The following NR4A3 variants were observed in gnomAD, a reference collection of about 807,000 sequenced individuals.
NR4A3 encodes chondrosarcoma, extraskeletal myxoid, fused to EWS.
A neutral mutation model predicts 55.6 loss-of-function variants in NR4A3; 13 were observed. The ratio of observed to expected loss-of-function variants is 0.23; its 90% CI spans 0.15 to 0.37. The LOEUF is 0.37. Ranked by LOEUF, NR4A3 falls within the 10% of genes least tolerant of loss-of-function variation. The pLI is 1.00. For missense variants in NR4A3, 646 were observed against 822.8 expected (o/e 0.79, Z 2.63); for synonymous variants, 342 against 357.9 (o/e 0.96, Z 0.50).
chr9:99,832,593 A>C, intron 3 of NR4A3, 96 bp from the exon 4 acceptor site: 1 of 1,053,324 alleles, frequency 9.5e-7, no homozygotes, highest in Non-Finnish European at 1.3e-6. Flanking sequence ...TACGAATTGC[A>C]CTGTCGCTTT....
At chr9:99,827,246 T>C (rs1368394119) in intron 2 of NR4A3, among the ~76,000 whole-genome samples, 1 of 149,462 alleles carries the variant, frequency 6.7e-6, no homozygotes, top group Non-Finnish European at 1.5e-5. Context: ...TAGTTAGAAT[T>C]GGGATATATA....
At chr9:99,857,552 C>T (rs1209370994) in intron 7 of NR4A3, among the ~76,000 whole-genome samples, 1 of 151,968 alleles carries the variant, frequency 6.6e-6, no homozygotes, top group Non-Finnish European at 1.5e-5. Flanking sequence ...TTTGGGAGGC[C>T]AAGGCAGGCG....
intron 3 of NR4A3, among the ~76,000 whole-genome samples, chr9:99,831,007 T>G (rs1405602577): frequency 6.6e-6 from 1 of 152,170 alleles, no homozygotes; most frequent in African/African-American, 2.4e-5. Context: ...CACAGAACTG[T>G]TAATTAAGGG....
chr9:99,852,091 C>G (rs150446708), intron 7 of NR4A3, among the ~76,000 whole-genome samples: 15 of 152,248 alleles, frequency 9.9e-5, no homozygotes, highest in African/African-American at 3.6e-4. Flanking sequence ...AGAGTAAGTC[C>G]AGATTACTGC....
chr9:99,849,369 T>A (rs1471655895), intron 7 of NR4A3, among the ~76,000 whole-genome samples: 2 of 151,958 alleles, frequency 1.3e-5, no homozygotes, highest in Non-Finnish European at 1.5e-5. Context: ...TTTTTTTTTT[T>A]AATGGGGCTG....
chr9:99,845,093 G>T (rs969914757), intron 6 of NR4A3, among the ~76,000 whole-genome samples: 6 of 152,174 alleles, frequency 3.9e-5, no homozygotes, highest in Non-Finnish European at 1.5e-5. Context: ...TTGCCTGACG[G>T]GAAGTTCAAT....
intron 5 of NR4A3, among the ~76,000 whole-genome samples, chr9:99,842,469 G>A (rs537183110): frequency 2.0e-5 from 3 of 152,144 alleles, no homozygotes; most frequent in Non-Finnish European, 2.9e-5. Context: ...GGTGGCTCAC[G>A]CCTGTAATCC....
At chr9:99,863,019 A>T (rs1392205168) in intron 7 of NR4A3, among the ~76,000 whole-genome samples, 4 of 152,186 alleles carry the variant, frequency 2.6e-5, no homozygotes, top group African/African-American at 9.7e-5. Context: ...AATTCTTCTC[A>T]GTGCTGGTTA....
chr9:99,828,930 G>T lies in NR4A3; in HGVS notation c.888G>T (p.Gly296=). 6.9e-7 allele frequency: 1 copy of T among 1,450,580 alleles called. No individual in the cohort carries two copies. Among genetic ancestry groups the T allele is most frequent in the Non-Finnish European group, 9.1e-7 (1 of 1,101,916 alleles). 89.9% of individuals were successfully genotyped at this position (1,450,580 alleles called of 1,614,324 possible). A position where few individuals can be genotyped will look rare whatever the true frequency, so the allele number is the denominator to read the frequency against. The change falls in exon 3 of 8, where the codon GGG becomes GGT. Residue 296 remains glycine (G), a synonymous_variant. Coordinates refer to ENST00000395097, the MANE Select transcript of NR4A3 (RefSeq NM_006981.4). This position sits in a 1 kb window ranked among gnomAD's most constrained non-coding sequence, Gnocchi z 7.7. ...GCGAGGGCACGTGTGCCGTGTGCGG[G>T]GACAACGCCGCCTGCCAGCACTACG... is the stretch of plus-strand genomic sequence containing the variant. ...SSGEGTCAVC[G]DNAACQHYGV...
intron 2 of NR4A3, chr9:99,826,671 C>T: frequency 2.0e-6 from 2 of 995,182 alleles, no homozygotes. Context: ...ATTTTTAAGG[C>T]CCTGCTTGTT....
Position 99,833,434 on chromosome 9 carries a change from A to G in NR4A3, c.1234A>G (p.Arg412Gly), listed in dbSNP as rs756743488. ...CCGAGCTTTAACAGACTCAACACCC[A>G]GAGATCTTGATTATTCCAGAGTAAG... ...LVRALTDSTP[R>G]DLDYSRYCPT... Residue 412 changes from arginine (R) to glycine (G), a missense_variant, in exon 5 of 8, where the codon AGA becomes GGA. This residue lies in a region of NR4A3 where 163 missense variants were observed against 233.0 expected (regional missense o/e 0.70). Coordinates refer to ENST00000395097, the MANE Select transcript of NR4A3 (RefSeq NM_006981.4). The G allele has an allele frequency of 1.9e-6, 3 of 1,613,936 alleles. No homozygotes were observed. The highest frequency in any genetic ancestry group is 2.5e-6 in the Non-Finnish European group (3 of 1,179,926).
At chr9:99,836,159 G>A (rs982299085) in intron 5 of NR4A3, among the ~76,000 whole-genome samples, 1 of 152,172 alleles carries the variant, frequency 6.6e-6, no homozygotes, top group Non-Finnish European at 1.5e-5. Flanking sequence ...GGGAGGGATC[G>A]CTAATATGAT....
intron 1 of NR4A3, among the ~76,000 whole-genome samples, chr9:99,824,824 G>A (rs1827262414): frequency 6.6e-6 from 1 of 152,226 alleles, no homozygotes; most frequent in Admixed American, 6.5e-5. Context: ...CTGAGGCTGT[G>A]GGCTGAGACG....
intron 6 of NR4A3, among the ~76,000 whole-genome samples, chr9:99,845,885 G>C (rs1376489789): frequency 6.6e-6 from 1 of 152,228 alleles, no homozygotes; most frequent in Non-Finnish European, 1.5e-5. Context: ...GTTACAACTA[G>C]AGTGCCAGTA....
In NR4A3 at chr9:99,865,485, C is replaced by T. The variant is rs1383363236; in HGVS notation, c.*1618C>T. The T allele has an allele frequency of 5.5e-6, 1 of 183,216 alleles. No homozygotes were observed. Among genetic ancestry groups the T allele is most frequent in the South Asian group, 2.0e-4 (1 of 5,086 alleles). 11.3% of individuals were successfully genotyped at this position (183,216 alleles called of 1,614,324 possible). On this transcript the variant is annotated 3_prime_UTR_variant, in exon 8 of 8. Coordinates refer to ENST00000395097, the MANE Select transcript of NR4A3 (RefSeq NM_006981.4). The surrounding 1 kb of genome is among the most constrained non-coding windows in gnomAD (Gnocchi z 4.3). ...AATTTTGCTTATGTTTTGCTAAATT[C>T]GAATAATGTTTGAAGATTTTTAGGT...
chr9:99,850,747 T>C (rs1490923254), intron 7 of NR4A3, among the ~76,000 whole-genome samples: 1 of 152,208 alleles, frequency 6.6e-6, no homozygotes, highest in East Asian at 1.9e-4. Flanking sequence ...TAACAATGTC[T>C]ATGTCATAGG....
intron 3 of NR4A3, among the ~76,000 whole-genome samples, chr9:99,830,193 C>T (rs757510284): frequency 3.3e-5 from 5 of 152,074 alleles, no homozygotes; most frequent in Non-Finnish European, 7.4e-5. Context: ...ATTTGGGAGG[C>T]CAATAGGATA....
intron 2 of NR4A3, among the ~76,000 whole-genome samples, chr9:99,827,500 C>A (rs1475694824): frequency 6.6e-6 from 1 of 152,156 alleles, no homozygotes; most frequent in Admixed American, 6.5e-5. Flanking sequence ...GTGTGGGCAA[C>A]CTCAATTGGC....
chr9:99,842,683 T>G (rs967540450), intron 5 of NR4A3, among the ~76,000 whole-genome samples: 1 of 151,764 alleles, frequency 6.6e-6, no homozygotes, highest in African/African-American at 2.4e-5. Context: ...TGAGCCAAGA[T>G]CGTGCCACTG....
Sources: gnomAD v4.1 joint callset for allele counts (sites outside exome capture counted in the v4.1 genomes callset) on GRCh38, gnomAD v4.1.1 for gene constraint, gnomAD v4.1.1 regional missense constraint, Gnocchi (gnomAD v3.1) non-coding constraint, MANE v1.5 for transcripts, NCBI Gene and HGNC (gene_info 2026-07-23, HGNC 2026-07-21) for gene names.